ECPAS: variants seen among roughly 807,000 people sequenced by gnomAD.
ECPAS encodes Ecm29 proteasome adaptor and scaffold.
In ECPAS, 70 loss-of-function variants were observed where a neutral mutation model predicts 255.1. The ratio of observed to expected loss-of-function variants is 0.27; its 90% CI spans 0.23 to 0.33. ECPAS has a LOEUF of 0.33. Ranked by LOEUF, ECPAS falls within the 10% of genes least tolerant of loss-of-function variation. The pLI, the probability that ECPAS is intolerant of heterozygous loss-of-function variation, is 1.00. For missense variants in ECPAS, 1,817 were observed against 2,206.4 expected (o/e 0.82, Z 3.54); for synonymous variants, 784 against 775.0 (o/e 1.01, Z -0.19).
intron 19 of ECPAS, 116 bp downstream of exon 19, chr9:111,414,313 C>T (rs1297384664): frequency 5.7e-6 from 5 of 872,390 alleles, no homozygotes; most frequent in Non-Finnish European, 8.7e-6. Flanking sequence ...GAAACAAAGG[C>T]TAATGTTCAG....
chr9:111,459,205 T>A (rs2098270406), intron 2 of ECPAS, among the ~76,000 whole-genome samples: 1 of 152,104 alleles, frequency 6.6e-6, no homozygotes, highest in Non-Finnish European at 1.5e-5. Context: ...TAATTTTACC[T>A]TTTTCTTTTT....
At chr9:111,397,223 GC>G in intron 24 of ECPAS, 70 bp from the exon 25 acceptor site, 1 of 1,583,172 alleles carries the variant, frequency 6.3e-7, no homozygotes, top group Non-Finnish European at 8.6e-7. Flanking sequence ...TCTACAGAAA[GC>G]CTGCTTAAAA....
chr9:111,426,694 CA>C (rs11326973), intron 10 of ECPAS, among the ~76,000 whole-genome samples: 97,158 of 130,868 alleles, frequency 0.74, 34,859 homozygotes, highest in African/African-American at 0.8. Flanking sequence ...TGTCTCACTT[CA>C]AAAAAAAAAA....
rs1461627182 is a variant in ECPAS at position 111,428,094 on chromosome 9, G to A, written c.998C>T (p.Pro333Leu). The A allele has an allele frequency of 6.2e-7, 1 of 1,613,444 alleles. No individual in the cohort carries two copies. Among genetic ancestry groups the A allele is most frequent in the South Asian group, 1.1e-5 (1 of 90,994 alleles). ...AGCTTGTCTAGAGCGGAGGAGATGG[G>A]GGACAATCTTTAACTTGACTCTTGT... ...VSTRVKLKIVPHLLRSRQAAE... is the reference protein window; with the variant it reads ...VSTRVKLKIVLHLLRSRQAAE... Residue 333 changes from proline (P) to leucine (L), a missense_variant, in exon 10 of 50, where the codon CCC (proline) becomes CTC (leucine). By Grantham distance (98) the Pro-to-Leu change is moderately conservative. Coordinates refer to ENST00000684092, the MANE Select transcript of ECPAS (RefSeq NM_001364929.1).
chr9:111,410,564 G>A (rs1427244083), intron 22 of ECPAS, among the ~76,000 whole-genome samples: 2 of 151,960 alleles, frequency 1.3e-5, no homozygotes, highest in South Asian at 2.1e-4. Context: ...TCACCCAGGC[G>A]GGAGTGCAGT....
chr9:111,387,201 A>G (rs1294887100), intron 31 of ECPAS, among the ~76,000 whole-genome samples: 1 of 151,752 alleles, frequency 6.6e-6, no homozygotes. Flanking sequence ...ACAGTGTCTC[A>G]CTCATCATCA....
At chr9:111,409,468 G>A (rs1431755526) in intron 23 of ECPAS, among the ~76,000 whole-genome samples, 1 of 152,058 alleles carries the variant, frequency 6.6e-6, no homozygotes, top group Non-Finnish European at 1.5e-5. Flanking sequence ...GCTGAGGCAG[G>A]AGAATCACCT....
rs577194299 is a variant in ECPAS at position 111,408,433 on chromosome 9, T to C, written c.2652+138A>G. 1.0e-5 allele frequency: 6 copies of C among 572,700 alleles called. No individual in the cohort carries two copies. In the South Asian group the frequency reaches 1.4e-4, roughly 14 times the overall value. The allele number at this position is 572,700 out of a possible 1,614,324, so 35.5% of individuals were successfully genotyped here. A position where few individuals can be genotyped will look rare whatever the true frequency, so the allele number is the denominator to read the frequency against. On this transcript the variant is annotated intron_variant, in intron 24 of 49. Transcript: ENST00000684092. ...CCTAGCACAGTGATGAGCACAAAACTAGTACTCAAGTATCTGGTGAATAAA... is the reference window on the plus strand; with the variant it reads ...CCTAGCACAGTGATGAGCACAAAACCAGTACTCAAGTATCTGGTGAATAAA...
chr9:111,407,395 C>T (rs2098185840), intron 24 of ECPAS, among the ~76,000 whole-genome samples: 1 of 43,668 alleles, frequency 2.3e-5, no homozygotes, highest in South Asian at 7.2e-4. Context: ...GAGCAAAACT[C>T]CATCTCAGAA....
At chr9:111,421,892 C>A in intron 15 of ECPAS, 29 bp downstream of exon 15, 1 of 1,607,786 alleles carries the variant, frequency 6.2e-7, no homozygotes. Context: ...CCGTATACTA[C>A]CCAGGCTTTG....
intron 7 of ECPAS, among the ~76,000 whole-genome samples, 192 bp downstream of exon 7, chr9:111,436,748 T>A (rs1043470669): frequency 6.6e-6 from 1 of 152,230 alleles, no homozygotes; most frequent in African/African-American, 2.4e-5. Flanking sequence ...AAACAGTATG[T>A]CCCACTCCTC....
chr9:111,380,605 G>A (rs976932682), intron 35 of ECPAS, among the ~76,000 whole-genome samples: 3 of 152,262 alleles, frequency 2.0e-5, no homozygotes, highest in Admixed American at 2.0e-4. Flanking sequence ...GTTGCAGCCG[G>A]GCACTGACTT....
At chr9:111,414,405 T>C (rs1359743717) in intron 19 of ECPAS, 24 bp downstream of exon 19, 2 of 1,596,600 alleles carry the variant, frequency 1.3e-6, no homozygotes, top group Admixed American at 1.7e-5. Context: ...TTCAGTATCT[T>C]TCCTTCGCGT....
rs755412173 is a variant in ECPAS, at chr9:111,484,130, G to T, written c.-97C>A. 3 of 1,458,120 alleles carry T rather than the reference G, an allele frequency of 2.1e-6. No homozygotes were observed. The South Asian group carries it at 3.9e-5, about 19-fold the overall frequency. The allele number at this position is 1,458,120 out of a possible 1,614,324, so 90.3% of individuals were successfully genotyped here. A position where few individuals can be genotyped will look rare whatever the true frequency, so the allele number is the denominator to read the frequency against. On this transcript the variant is annotated 5_prime_UTR_variant, in exon 1 of 50. Coordinates refer to ENST00000684092, the MANE Select transcript of ECPAS (RefSeq NM_001364929.1). ...GGGCCTCTGACCTGAGTCGGAGCCG[G>T]TCTCCATGCCGCGGACGCTGCGCTC...
At chr9:111,413,113 G>T (rs533921087) in intron 20 of ECPAS, among the ~76,000 whole-genome samples, 20 of 152,236 alleles carry the variant, frequency 1.3e-4, no homozygotes, top group Middle Eastern at 3.4e-3. Flanking sequence ...ACACACGGAG[G>T]GTGTGGCATT....
At chr9:111,412,219 A>T (rs1589161183) in intron 20 of ECPAS, 71 bp from the exon 21 acceptor site, 1 of 1,305,666 alleles carries the variant, frequency 7.7e-7, no homozygotes, top group Non-Finnish European at 1.0e-6. Flanking sequence ...ACATCTTTTA[A>T]AATTAAAAGA....
chr9:111,458,945 C>T (rs1040350525), intron 2 of ECPAS, among the ~76,000 whole-genome samples: 11 of 152,098 alleles, frequency 7.2e-5, no homozygotes, highest in African/African-American at 2.7e-4. Context: ...TGAGTTCTGA[C>T]TCGTTCTAGC....
chr9:111,454,328 C>T (rs962031488), intron 2 of ECPAS, among the ~76,000 whole-genome samples: 6 of 151,870 alleles, frequency 4.0e-5, no homozygotes, highest in Non-Finnish European at 7.4e-5. Context: ...TGGGGTGCGG[C>T]GGCAGGAGGG....
chr9:111,386,752 C>T (rs191031803), intron 31 of ECPAS, among the ~76,000 whole-genome samples: 6 of 152,314 alleles, frequency 3.9e-5, no homozygotes, highest in African/African-American at 1.4e-4. Context: ...CTCATCCAGA[C>T]CCAAAAGTAC....
Sources: gnomAD v4.1 joint callset for allele counts (sites outside exome capture counted in the v4.1 genomes callset) on GRCh38, gnomAD v4.1.1 for gene constraint, MANE v1.5 for transcripts, NCBI Gene and HGNC (gene_info 2026-07-23, HGNC 2026-07-21) for gene names.